Variants in PRKX observed in about 807,000 individuals in gnomAD.
The protein encoded by PRKX is protein kinase cAMP-dependent X-linked catalytic subunit, also known as cAMP-dependent protein kinase catalytic subunit PRKX.
A neutral mutation model predicts 22.0 loss-of-function variants in PRKX; 12 were observed. The observed-to-expected ratio is 0.54, with a 90% confidence interval of 0.35 to 0.88. PRKX has a LOEUF of 0.88. Among genes scored for constraint, PRKX ranks in the 40% least tolerant of loss-of-function variants. The pLI is 0.01. For synonymous variants in PRKX, 134 were observed against 137.7 expected (o/e 0.97, Z 0.19); for missense variants, 217 against 308.0 (o/e 0.70, Z 2.21).
intron 6 of PRKX, among the ~76,000 whole-genome samples, chrX:3,616,346 A>T (rs1256162641): frequency 1.8e-5 from 2 of 111,318 alleles, no homozygotes; most frequent in East Asian, 5.6e-4. Context: ...ACTCAAACCA[A>T]GGATGTCCAG....
intron 4 of PRKX, among the ~76,000 whole-genome samples, chrX:3,634,361 C>T (rs943468243): frequency 9.0e-6 from 1 of 110,534 alleles, no homozygotes; most frequent in African/African-American, 3.3e-5. Context: ...CCAGTTAAAG[C>T]GGAAGGAGCA....
intron 1 of PRKX, among the ~76,000 whole-genome samples, chrX:3,676,993 C>G (rs1326040841): frequency 8.9e-6 from 1 of 111,849 alleles, no homozygotes; most frequent in African/African-American, 3.3e-5. Context: ...AACCTCTTTC[C>G]TTTATAAATT....
intron 4 of PRKX, among the ~76,000 whole-genome samples, chrX:3,627,239 A>G (rs1926677892): frequency 1.8e-5 from 2 of 109,199 alleles, no homozygotes; most frequent in Admixed American, 9.8e-5. Context: ...AAAATTAGCC[A>G]GGCGTGGTGG....
Position 3,605,444 on chromosome X carries a change from C to A in PRKX, c.*3525G>T, listed in dbSNP as rs923711401. The A allele has an allele frequency of 1.8e-5, 2 of 111,720 alleles. No individual in the cohort carries two copies. The highest frequency in any genetic ancestry group is 3.8e-5 in the Non-Finnish European group (2 of 53,216). 9.2% of individuals were successfully genotyped at this position (111,720 alleles called of 1,213,427 possible). A position where few individuals can be genotyped will look rare whatever the true frequency, so the allele number is the denominator to read the frequency against. On this transcript the variant is annotated 3_prime_UTR_variant, in exon 9 of 9. Transcript: ENST00000262848. ...ACATTCTGGTGGGGTATTTGTGCAG[C>A]CTGAGGTGCACCTGGCTACAGAGTG...
intron 1 of PRKX, among the ~76,000 whole-genome samples, chrX:3,687,215 C>T (rs1482195752): frequency 9.1e-6 from 1 of 110,155 alleles, no homozygotes; most frequent in East Asian, 2.9e-4. Context: ...ACTTTTTCAC[C>T]CAGGCTGGTC....
At chrX:3,703,503 A>G (rs746588808) in intron 1 of PRKX, among the ~76,000 whole-genome samples, 1 of 110,517 alleles carries the variant, frequency 9.0e-6, no homozygotes, top group Non-Finnish European at 1.9e-5. Flanking sequence ...TGGAGGGGGA[A>G]GGAATTTCCA....
chrX:3,693,694 T>C (rs1296251110), intron 1 of PRKX, among the ~76,000 whole-genome samples: 1 of 110,130 alleles, frequency 9.1e-6, no homozygotes, highest in Non-Finnish European at 1.9e-5. Flanking sequence ...TCCCAGCACT[T>C]TGGGAGGCTG....
intron 4 of PRKX, among the ~76,000 whole-genome samples, chrX:3,628,288 A>C (rs1287825800): frequency 1.8e-5 from 2 of 111,073 alleles, no homozygotes; most frequent in Non-Finnish European, 3.8e-5. Context: ...GTTAAAGGAT[A>C]CAAAATTACA....
At position 3,612,645 on chromosome X, in the gene PRKX, G is replaced by T. The variant is rs555036323; in HGVS notation, c.952-320C>A. On this transcript the variant is annotated intron_variant, in intron 7 of 8. Coordinates refer to ENST00000262848, the MANE Select transcript of PRKX (RefSeq NM_005044.5). ...CTCTACAAAAAATACAACTAGCCGG[G>T]TGTGGTGCTGTGTGCCTGCAGTCTC... is the stretch of plus-strand genomic sequence containing the variant. 2.1e-3 allele frequency among the ~76,000 whole-genome samples: 226 copies of T among 109,759 alleles called. 2 individuals are homozygous for T. In the South Asian group the frequency reaches 0.085, roughly 41 times the overall value.
chrX:3,689,812 C>G (rs1190593934), intron 1 of PRKX, among the ~76,000 whole-genome samples: 4 of 111,368 alleles, frequency 3.6e-5, no homozygotes, highest in African/African-American at 1.3e-4. Flanking sequence ...CCTGTCTCCA[C>G]TAAAAATACA....
intron 1 of PRKX, among the ~76,000 whole-genome samples, chrX:3,688,628 T>G (rs1464513357): frequency 2.7e-5 from 3 of 110,279 alleles, no homozygotes; most frequent in African/African-American, 9.9e-5. Context: ...TTTAGAAGGC[T>G]GAAGCAGAAG....
chrX:3,669,248 A>T (rs771617042), intron 2 of PRKX, among the ~76,000 whole-genome samples: 4 of 112,268 alleles, frequency 3.6e-5, no homozygotes, highest in Non-Finnish European at 3.8e-5. Flanking sequence ...TCTATCAACC[A>T]TCTATCATCT....
At chrX:3,705,396 A>G (rs1312630997) in intron 1 of PRKX, among the ~76,000 whole-genome samples, 2 of 111,206 alleles carry the variant, frequency 1.8e-5, no homozygotes, top group Non-Finnish European at 3.8e-5. Flanking sequence ...GGGTTTTGAC[A>G]TAAGAATCTT....
At chrX:3,696,641 C>T (rs1176450228) in intron 1 of PRKX, among the ~76,000 whole-genome samples, 1 of 112,183 alleles carries the variant, frequency 8.9e-6, no homozygotes, top group African/African-American at 3.2e-5. Flanking sequence ...AATCTTCAAT[C>T]GAACTATCCT....
intron 1 of PRKX, among the ~76,000 whole-genome samples, chrX:3,686,836 C>A (rs1018591010): frequency 6.3e-5 from 7 of 111,576 alleles, no homozygotes; most frequent in Admixed American, 1.9e-4. Flanking sequence ...GGATCACAGG[C>A]GTGAGCCATC....
intron 4 of PRKX, among the ~76,000 whole-genome samples, chrX:3,634,984 G>A (rs1394181127): frequency 4.4e-5 from 5 of 112,517 alleles, no homozygotes; most frequent in East Asian, 2.8e-4. Context: ...GATTACAGGC[G>A]TGAGCCACCA....
chrX:3,640,964 T>C (rs1927066779), intron 4 of PRKX, among the ~76,000 whole-genome samples: 1 of 111,561 alleles, frequency 9.0e-6, no homozygotes, highest in East Asian at 2.8e-4. Context: ...AAGGTCAGGA[T>C]GTTACCCTGT....
chrX:3,625,586 T>C (rs1367080076), intron 5 of PRKX, among the ~76,000 whole-genome samples: 4 of 111,232 alleles, frequency 3.6e-5, no homozygotes, highest in Non-Finnish European at 7.5e-5. Flanking sequence ...ATTCTTTTTT[T>C]TTTGAGACAG....
chrX:3,639,003 T>C (rs1220598116), intron 4 of PRKX, among the ~76,000 whole-genome samples: 1 of 93,130 alleles, frequency 1.1e-5, no homozygotes, highest in Non-Finnish European at 2.1e-5. Flanking sequence ...GATATATAAA[T>C]ATATAAATGA....
Sources: allele counts gnomAD v4.1 joint callset (sites outside exome capture counted in the v4.1 genomes callset), GRCh38; gene constraint gnomAD v4.1.1; transcripts MANE v1.5; gene names NCBI Gene and HGNC (gene_info 2026-07-23, HGNC 2026-07-21).